The following PPP6R3 variants were observed in gnomAD, a reference collection of about 807,000 sequenced individuals.
PPP6R3 encodes the protein serine/threonine-protein phosphatase 6 regulatory subunit 3.
In PPP6R3, 38 loss-of-function variants were observed where a neutral mutation model predicts 110.7. That is an observed-to-expected ratio of 0.34 (90% CI 0.26 to 0.45). PPP6R3 has a LOEUF of 0.45. Ranked by LOEUF, PPP6R3 falls within the 20% of genes least tolerant of loss-of-function variation. PPP6R3 has a pLI of 1.00. For missense variants in PPP6R3, 870 were observed against 1,062.4 expected (o/e 0.82, Z 2.52); for synonymous variants, 369 against 373.5 (o/e 0.99, Z 0.14).
chr11:68,466,400 G>A (rs1198658975), intron 1 of PPP6R3, among the ~76,000 whole-genome samples: 1 of 150,980 alleles, frequency 6.6e-6, no homozygotes, highest in East Asian at 1.9e-4. Context: ...ATGTGGAAAG[G>A]TATCTTATCT....
intron 9 of PPP6R3, among the ~76,000 whole-genome samples, 185 bp from the exon 10 acceptor site, chr11:68,566,829 T>C (rs2099474088): frequency 6.6e-6 from 1 of 152,212 alleles, no homozygotes; most frequent in South Asian, 2.1e-4. Context: ...TGCTTTTTTT[T>C]CCTTTTTCCT....
At chr11:68,504,110 A>C (rs1489173579) in intron 1 of PPP6R3, among the ~76,000 whole-genome samples, 2 of 152,230 alleles carry the variant, frequency 1.3e-5, no homozygotes, top group Non-Finnish European at 2.9e-5. Context: ...TGTAATAGCA[A>C]AAAGTGAAAA....
chr11:68,595,159 A>T (rs536260518), intron 18 of PPP6R3, among the ~76,000 whole-genome samples: 1 of 146,786 alleles, frequency 6.8e-6, no homozygotes, highest in Non-Finnish European at 1.5e-5. Flanking sequence ...TTAGACAAAG[A>T]TTTCTTAGAT....
chr11:68,461,421 G>A (rs1409976365), intron 1 of PPP6R3, among the ~76,000 whole-genome samples: 1 of 141,114 alleles, frequency 7.1e-6, no homozygotes, highest in Non-Finnish European at 1.5e-5. Context: ...CTTCCCAGTG[G>A]CTTTTTAACT....
chr11:68,474,063 G>A (rs1262670098), intron 1 of PPP6R3, among the ~76,000 whole-genome samples: 6 of 137,540 alleles, frequency 4.4e-5, no homozygotes, highest in Admixed American at 1.5e-4. Context: ...TTTTTTTTGA[G>A]ACAAGGTCTT....
intron 3 of PPP6R3, among the ~76,000 whole-genome samples, chr11:68,542,647 G>C (rs1463514961): frequency 6.6e-6 from 1 of 152,040 alleles, no homozygotes; most frequent in African/African-American, 2.4e-5. Flanking sequence ...ATCCATCTTG[G>C]CCTCCCAAAG....
chr11:68,614,363 T>C lies in PPP6R3; in HGVS notation c.*1246T>C. On this transcript the variant is annotated 3_prime_UTR_variant, in exon 24 of 24. Coordinates refer to ENST00000393800, the MANE Select transcript of PPP6R3 (RefSeq NM_001164161.2). Reference sequence around the variant, plus strand: ...CAATATATTGTATATTGCCATATCGTCTGGTGAAAGGGTTAAATTACTTCA... The same window carrying C: ...CAATATATTGTATATTGCCATATCGCCTGGTGAAAGGGTTAAATTACTTCA... 2 of 1,205,000 alleles carry C rather than the reference T, an allele frequency of 1.7e-6. No homozygotes were observed. Among genetic ancestry groups the C allele is most frequent in the South Asian group, 4.0e-5 (2 of 49,912 alleles). The allele number at this position is 1,205,000 out of a possible 1,614,324, so 74.6% of individuals were successfully genotyped here. A position where few individuals can be genotyped will look rare whatever the true frequency, so the allele number is the denominator to read the frequency against.
intron 14 of PPP6R3, among the ~76,000 whole-genome samples, chr11:68,578,054 C>A (rs1030580109): frequency 6.6e-6 from 1 of 152,124 alleles, no homozygotes; most frequent in Non-Finnish European, 1.5e-5. Context: ...ATACCACTTC[C>A]GTTTAGTCTT....
At position 68,614,769 on chromosome 11, in the gene PPP6R3, T is replaced by C; in HGVS notation, c.*1652T>C. ...CGGGTGAGCCCCTCTCTGAAGAGAC[T>C]GTCCTTGGGCCTCCTCTGGAAGCAG... On this transcript the variant is annotated 3_prime_UTR_variant, in exon 24 of 24. Coordinates refer to ENST00000393800, the MANE Select transcript of PPP6R3 (RefSeq NM_001164161.2). The C allele has an allele frequency of 6.5e-7, 1 of 1,540,106 alleles. No homozygotes were observed. Among genetic ancestry groups the C allele is most frequent in the South Asian group, 1.2e-5 (1 of 83,496 alleles).
intron 1 of PPP6R3, among the ~76,000 whole-genome samples, chr11:68,495,552 T>C (rs2099010068): frequency 1.3e-5 from 2 of 152,238 alleles, no homozygotes; most frequent in African/African-American, 4.8e-5. Context: ...CCTATAGATG[T>C]GCCTATTCTG....
In PPP6R3 at chr11:68,600,392, C is replaced by T; in HGVS notation, c.2090C>T (p.Ala697Val). 1 of 1,614,092 alleles carries T rather than the reference C, an allele frequency of 6.2e-7. No individual in the cohort carries two copies. The highest frequency in any genetic ancestry group is 8.5e-7 in the Non-Finnish European group (1 of 1,179,924). ...GTCCCAATGGAAACAACCCACGGTG[C>T]TCCATTGGATTCTGTGGGATCTGAT... ...FDVPMETTHG[A>V]PLDSVGSDVW... The change falls in exon 20 of 24, where the codon GCT becomes GTT. Residue 697 changes from alanine to valine, a missense_variant. Coordinates refer to ENST00000393800, the MANE Select transcript of PPP6R3 (RefSeq NM_001164161.2).
At chr11:68,509,781 C>G (rs1454737632) in intron 1 of PPP6R3, among the ~76,000 whole-genome samples, 2 of 129,810 alleles carry the variant, frequency 1.5e-5, no homozygotes, top group African/African-American at 5.9e-5. Context: ...CGGAGCTTCG[C>G]TCTCGTTGCC....
chr11:68,530,953 T>TA (rs2099235541), intron 2 of PPP6R3, among the ~76,000 whole-genome samples: 1 of 152,162 alleles, frequency 6.6e-6, no homozygotes, highest in Non-Finnish European at 1.5e-5. Flanking sequence ...GGATCACCAG[T>TA]AGTTTCTTTC....
At chr11:68,532,752 G>A (rs1332757027) in intron 2 of PPP6R3, among the ~76,000 whole-genome samples, 2 of 152,174 alleles carry the variant, frequency 1.3e-5, no homozygotes, top group Non-Finnish European at 2.9e-5. Context: ...GGTAGTGTCT[G>A]TTCAGATACA....
At chr11:68,484,977 A>G (rs1348064046) in intron 1 of PPP6R3, among the ~76,000 whole-genome samples, 1 of 152,224 alleles carries the variant, frequency 6.6e-6, no homozygotes, top group Non-Finnish European at 1.5e-5. Context: ...CAAGTTAGGC[A>G]GAACTGATAT....
Position 68,614,951 on chromosome 11 carries a change from G to A in PPP6R3, c.*1834G>A, listed in dbSNP as rs769996586. On this transcript the variant is annotated 3_prime_UTR_variant, in exon 24 of 24. Transcript: ENST00000393800. Reference sequence around the variant, plus strand: ...GGGTTTGGCTCCACTGGTGGCACACGTGGCCTCCGTGGTATGGACCTGGTG... The same window carrying A: ...GGGTTTGGCTCCACTGGTGGCACACATGGCCTCCGTGGTATGGACCTGGTG... The A allele has an allele frequency of 1.1e-4, 69 of 614,374 alleles. No homozygotes were observed. Among genetic ancestry groups the A allele is most frequent in the Admixed American group, 2.6e-4 (12 of 46,908 alleles). 38.1% of individuals were successfully genotyped at this position (614,374 alleles called of 1,614,324 possible).
chr11:68,486,339 C>T (rs2098947072), intron 1 of PPP6R3, among the ~76,000 whole-genome samples: 2 of 152,026 alleles, frequency 1.3e-5, no homozygotes, highest in South Asian at 4.1e-4. Flanking sequence ...GGTGCAGTGG[C>T]TCACACTTGT....
At chr11:68,608,300 A>AAAAC (rs369205768) in intron 22 of PPP6R3, among the ~76,000 whole-genome samples, 2 of 152,252 alleles carry the variant, frequency 1.3e-5, no homozygotes, top group East Asian at 1.9e-4. Context: ...CTTAAAAGCT[A>AAAAC]AAACAAACAA....
intron 19 of PPP6R3, among the ~76,000 whole-genome samples, chr11:68,599,266 G>C (rs1003555088): frequency 1.3e-5 from 2 of 152,240 alleles, no homozygotes; most frequent in African/African-American, 4.8e-5. Flanking sequence ...TGAGGATTCA[G>C]CACTCTGTGA....
Sources: gnomAD v4.1 joint callset for allele counts (sites outside exome capture counted in the v4.1 genomes callset) on GRCh38, gnomAD v4.1.1 for gene constraint, MANE v1.5 for transcripts, NCBI Gene and HGNC (gene_info 2026-07-23, HGNC 2026-07-21) for gene names.